ARHGEF35: variants seen among roughly 807,000 people sequenced by gnomAD.
ARHGEF35 encodes the protein Rho guanine nucleotide exchange factor 35.
For synonymous variants in ARHGEF35, 47 were observed against 170.4 expected (o/e 0.28, Z 5.64); for missense variants, 114 against 449.7 (o/e 0.25, Z 6.75).
At position 144,186,979 on chromosome 7, in the gene ARHGEF35, A is replaced by G. The variant is rs1447873633; in HGVS notation, c.1405T>C (p.Phe469Leu). The part of the protein sequence containing the change: ...SHQPISLLGS[F>L]LTEESPDKEK... Reference sequence around the variant, plus strand: ...TTGTCAGGTGACTCCTCAGTCAAAAAGGAGCCCAGTAGAGAAATGGGCTGG... The same window carrying G: ...TTGTCAGGTGACTCCTCAGTCAAAAGGGAGCCCAGTAGAGAAATGGGCTGG... The change falls in exon 2 of 2, where the codon TTT (phenylalanine) becomes CTT (leucine). Residue 469 changes from phenylalanine (F) to leucine (L), a missense_variant. Coordinates refer to ENST00000378115, the MANE Select transcript of ARHGEF35 (RefSeq NM_001003702.3). 5 of 1,542,056 alleles carry G rather than the reference A, an allele frequency of 3.2e-6. 1 individual carries two copies. Among genetic ancestry groups the G allele is most frequent in the Non-Finnish European group, 4.5e-6 (5 of 1,121,572 alleles).
rs1427901864 is a variant in ARHGEF35 at position 144,186,859 on chromosome 7, ATCAG to A, written c.*66_*69del. ...TTAAAAACACACTTCACAATAATCT[ATCAG>A]TCAAAGAAGTCTCAAGGAAAAATTT... On this transcript the variant is annotated 3_prime_UTR_variant, in exon 2 of 2. Coordinates refer to ENST00000378115, the MANE Select transcript of ARHGEF35 (RefSeq NM_001003702.3). The A allele has an allele frequency of 4.4e-5, 51 of 1,157,268 alleles. 1 individual carries two copies. The South Asian group carries it at 7.6e-4, about 17-fold the overall frequency. 71.7% of individuals were successfully genotyped at this position (1,157,268 alleles called of 1,614,324 possible). A position where few individuals can be genotyped will look rare whatever the true frequency, so the allele number is the denominator to read the frequency against.
intron 1 of ARHGEF35, among the ~76,000 whole-genome samples, chr7:144,189,823 T>TC (rs2051985081): frequency 8.4e-6 from 1 of 118,734 alleles, no homozygotes; most frequent in South Asian, 2.9e-4. Flanking sequence ...TTTTTTTTTT[T>TC]TGAGATGGAG....
In ARHGEF35 at chr7:144,186,965, C is replaced by T. The variant is rs1230410584; in HGVS notation, c.1419G>A (p.Glu473=). 2.1e-5 allele frequency: 33 copies of T among 1,535,576 alleles called. 5 individuals carry two copies. Among genetic ancestry groups the T allele is most frequent in the Non-Finnish European group, 3.0e-5 (33 of 1,117,266 alleles). ...ATAGAAGTTTTTCCTTGTCAGGTGA[C>T]TCCTCAGTCAAAAAGGAGCCCAGTA... ...ISLLGSFLTE[E]SPDKEKLLSV... is the part of the protein sequence containing the mutation. The change falls in exon 2 of 2, where the codon GAG becomes GAA. Residue 473 remains glutamate (E), a synonymous_variant. Transcript: ENST00000378115.
At chr7:144,189,937 C>CT (rs1490957159) in intron 1 of ARHGEF35, among the ~76,000 whole-genome samples, 1 of 135,326 alleles carries the variant, frequency 7.4e-6, no homozygotes, top group African/African-American at 2.9e-5. Context: ...TCCCGAGTAG[C>CT]TGGGACTATA....
rs2052005981 is a variant in ARHGEF35, at chr7:144,191,722, A to T, written c.-12-3327T>A. Among the ~76,000 whole-genome samples, 9 of 123,828 alleles carry T rather than the reference A, an allele frequency of 7.3e-5. No individual in the cohort carries two copies. In the South Asian group the frequency reaches 2.2e-3, roughly 31 times the overall value. 81.2% of individuals were successfully genotyped at this position (123,828 alleles called of 152,430 possible). On this transcript the variant is annotated intron_variant, in intron 1 of 1. Transcript: ENST00000378115. ...GACAATTGTAGAAACCATTAAATTT[A>T]TTTGAACATCCATTTTCTTATCTTT...
chr7:144,186,809 T>A lies in ARHGEF35; in HGVS notation c.*120A>T. 1 of 896,144 alleles carries A rather than the reference T, an allele frequency of 1.1e-6. No individual in the cohort carries two copies. Among genetic ancestry groups the A allele is most frequent in the Admixed American group, 3.3e-5 (1 of 30,160 alleles). The allele number at this position is 896,144 out of a possible 1,614,324, so 55.5% of individuals were successfully genotyped here. A position where few individuals can be genotyped will look rare whatever the true frequency, so the allele number is the denominator to read the frequency against. On this transcript the variant is annotated 3_prime_UTR_variant, in exon 2 of 2. Coordinates refer to ENST00000378115, the MANE Select transcript of ARHGEF35 (RefSeq NM_001003702.3). ...ATTGGAAATCAGCATAAGAAAGATA[T>A]GAAAATCCCTAAACATTTGGAAATT...
rs2051959038 is a variant in ARHGEF35, at chr7:144,186,909, A to G, written c.*20T>C. 6 of 1,429,930 alleles carry G rather than the reference A, an allele frequency of 4.2e-6. No homozygotes were observed. Among genetic ancestry groups the G allele is most frequent in the Non-Finnish European group, 5.7e-6 (6 of 1,056,582 alleles). 88.6% of individuals were successfully genotyped at this position (1,429,930 alleles called of 1,614,324 possible). On this transcript the variant is annotated 3_prime_UTR_variant, in exon 2 of 2. Transcript: ENST00000378115. ...AATTTAAAAATACATTGAACTGGAT[A>G]AACATGAAACTGTGACATATCAAAG... is the stretch of plus-strand genomic sequence containing the variant.
At position 144,187,269 on chromosome 7, in the gene ARHGEF35, C is replaced by T; in HGVS notation, c.1115G>A (p.Ser372Asn). ...HGIKEKGVPV[S>N]GQEAKEPESW... ...CTCTGGCTCTTTCGCCTCCTGCCCG[C>T]TGACTGGGACCCCTTTCTCCTTTAT... is the stretch of plus-strand genomic sequence containing the variant. The change falls in exon 2 of 2, where the codon AGC (serine) becomes AAC (asparagine). Residue 372 changes from serine to asparagine, a missense_variant. Transcript: ENST00000378115. 2 of 1,332,114 alleles carry T rather than the reference C, an allele frequency of 1.5e-6. No homozygotes were observed. The highest frequency in any genetic ancestry group is 2.6e-5 in the South Asian group (2 of 76,166). 82.5% of individuals were successfully genotyped at this position (1,332,114 alleles called of 1,614,324 possible).
rs1371542352 is a variant in ARHGEF35 at position 144,186,828 on chromosome 7, G to A, written c.*101C>T. The A allele has an allele frequency of 5.9e-6, 6 of 1,011,660 alleles. 1 individual carries two copies. The highest frequency in any genetic ancestry group is 5.2e-5 in the East Asian group (2 of 38,522). The allele number at this position is 1,011,660 out of a possible 1,614,324, so 62.7% of individuals were successfully genotyped here. On this transcript the variant is annotated 3_prime_UTR_variant, in exon 2 of 2. Transcript: ENST00000378115. ...AAGATATGAAAATCCCTAAACATTT[G>A]GAAATTTAAAAACACACTTCACAAT...
At chr7:144,191,323 C>T (rs1419630944) in intron 1 of ARHGEF35, among the ~76,000 whole-genome samples, 1 of 125,242 alleles carries the variant, frequency 8.0e-6, no homozygotes, top group Admixed American at 8.2e-5. Context: ...ATTCACCTGT[C>T]ACCATCTGTC....
intron 1 of ARHGEF35, among the ~76,000 whole-genome samples, chr7:144,189,818 T>TTC (rs2051985019): frequency 8.7e-6 from 1 of 114,294 alleles, no homozygotes; most frequent in South Asian, 3.1e-4. Context: ...TTTTTTTTTT[T>TTC]TTTTTTGAGA....
chr7:144,193,872 GGT>G (rs1441823344), intron 1 of ARHGEF35, among the ~76,000 whole-genome samples: 2 of 145,090 alleles, frequency 1.4e-5, no homozygotes, highest in African/African-American at 2.6e-5. Flanking sequence ...AGACCTTGAG[GGT>G]GACTTTGTTC....
rs967672124 is a variant in ARHGEF35, at chr7:144,186,736, G to C, written c.*193C>G. On this transcript the variant is annotated 3_prime_UTR_variant, in exon 2 of 2. Transcript: ENST00000378115. ...CGCCACAACAAATTTAAAAGAGATA[G>C]TAATCATCCAGAGCAGATGAAAACC... 14 of 563,564 alleles carry C rather than the reference G, an allele frequency of 2.5e-5. 1 individual carries two copies. Among genetic ancestry groups the C allele is most frequent in the Non-Finnish European group, 4.1e-5 (14 of 341,242 alleles). The allele number at this position is 563,564 out of a possible 1,614,324, so 34.9% of individuals were successfully genotyped here.
At chr7:144,193,796 A>G (rs1263972466) in intron 1 of ARHGEF35, among the ~76,000 whole-genome samples, 1 of 141,850 alleles carries the variant, frequency 7.0e-6, no homozygotes, top group African/African-American at 2.6e-5. Context: ...CTACAATCTC[A>G]TCTGTGGTCC....
intron 1 of ARHGEF35, among the ~76,000 whole-genome samples, chr7:144,192,230 T>TGTACACACACACAC (rs763325598): frequency 6.4e-5 from 4 of 62,778 alleles, no homozygotes; most frequent in African/African-American, 2.4e-4. Flanking sequence ...CCACTGTGTG[T>TGTACACACACACAC]ACACACACAC....
rs1186623731 is a variant in ARHGEF35, at chr7:144,187,096, T to A, written c.1288A>T (p.Thr430Ser). The stretch of plus-strand genomic sequence containing the variant: ...TCTGTCTGAGTCCCGGGAATCTGAG[T>A]CACGAGATATGAGGCACCTGGAAAC... ...DLFPGASYLV[T>S]QIPGTQTESR... Residue 430 changes from threonine to serine, a missense_variant, in exon 2 of 2, where the codon ACT (threonine) becomes TCT (serine). Physicochemically the swap from Thr to Ser is moderately conservative, Grantham distance 58. Transcript: ENST00000378115. The A allele has an allele frequency of 6.5e-7, 1 of 1,536,126 alleles. No individual in the cohort carries two copies. Among genetic ancestry groups the A allele is most frequent in the Admixed American group, 1.7e-5 (1 of 57,800 alleles).
At chr7:144,189,542 A>C in intron 1 of ARHGEF35, among the ~76,000 whole-genome samples, 1 of 90,962 alleles carries the variant, frequency 1.1e-5, no homozygotes. Flanking sequence ...CATCTTTCAA[A>C]TGACTAGAAG....
chr7:144,190,707 G>C (rs1225933177), intron 1 of ARHGEF35, among the ~76,000 whole-genome samples: 1 of 148,996 alleles, frequency 6.7e-6, no homozygotes, highest in African/African-American at 2.5e-5. Flanking sequence ...TTGACTGCTT[G>C]AATCTAGGAG....
Position 144,187,085 on chromosome 7 carries a change from G to A in ARHGEF35, c.1299C>T (p.Pro433=), listed in dbSNP as rs140097295. 66 of 1,539,712 alleles carry A rather than the reference G, an allele frequency of 4.3e-5. 5 individuals carry two copies. The highest frequency in any genetic ancestry group is 4.0e-4 in the African/African-American group (28 of 69,500). ...PGASYLVTQI[P]GTQTESRAEE... ...CAGCCCTGGACTCTGTCTGAGTCCC[G>A]GGAATCTGAGTCACGAGATATGAGG... is the stretch of plus-strand genomic sequence containing the variant. Residue 433 remains proline, a synonymous_variant, in exon 2 of 2, where the codon CCC becomes CCT. Transcript: ENST00000378115.
Sources: allele counts gnomAD v4.1 joint callset (sites outside exome capture counted in the v4.1 genomes callset), GRCh38; gene constraint gnomAD v4.1.1; transcripts MANE v1.5; gene names NCBI Gene and HGNC (gene_info 2026-07-23, HGNC 2026-07-21).